Variants in PTPRD observed in about 807,000 individuals in gnomAD.
PTPRD encodes protein tyrosine phosphatase receptor type D.
In PTPRD, 34 loss-of-function variants were observed where a neutral mutation model predicts 214.5. The ratio of observed to expected loss-of-function variants is 0.16; its 90% CI spans 0.12 to 0.21. PTPRD has a LOEUF of 0.21. PTPRD is among the 10% of genes least tolerant of loss of function. The pLI, the probability that PTPRD is intolerant of heterozygous loss-of-function variation, is 1.00. For synonymous variants in PTPRD, 1,128 were observed against 845.7 expected (o/e 1.33, Z -5.79); for missense variants, 2,545 against 2,398.7 (o/e 1.06, Z -1.27).
intron 3 of PTPRD, among the ~76,000 whole-genome samples, chr9:10,102,980 CACTT>C (rs1042836936): frequency 6.6e-6 from 1 of 151,632 alleles, no homozygotes; most frequent in African/African-American, 2.4e-5. Context: ...TCAAAACACA[CACTT>C]TATGCCGACT....
chr9:9,504,005 TC>T (rs2096505217), intron 8 of PTPRD, among the ~76,000 whole-genome samples: 1 of 151,734 alleles, frequency 6.6e-6, no homozygotes, highest in African/African-American at 2.4e-5. Flanking sequence ...TTCTCATTAT[TC>T]CTTTAAAAAT....
At chr9:9,740,972 A>T (rs1188668618) in intron 6 of PTPRD, among the ~76,000 whole-genome samples, 2 of 152,186 alleles carry the variant, frequency 1.3e-5, no homozygotes, top group Non-Finnish European at 1.5e-5. Flanking sequence ...ATAACCCAAC[A>T]TTGGAAACTA....
At chr9:9,298,664 G>A (rs1472676965) in intron 9 of PTPRD, among the ~76,000 whole-genome samples, 1 of 151,642 alleles carries the variant, frequency 6.6e-6, no homozygotes, top group Non-Finnish European at 1.5e-5. Flanking sequence ...GAAAAGATAA[G>A]GATTATTGAA....
chr9:10,330,077 T>C (rs958175931), intron 3 of PTPRD, among the ~76,000 whole-genome samples: 1 of 151,820 alleles, frequency 6.6e-6, no homozygotes, highest in Non-Finnish European at 1.5e-5. Context: ...CTTTTTTTAT[T>C]TCATCTATGT....
At chr9:9,399,292 T>C (rs1456629552) in intron 8 of PTPRD, among the ~76,000 whole-genome samples, 2 of 152,054 alleles carry the variant, frequency 1.3e-5, no homozygotes, top group Non-Finnish European at 2.9e-5. Flanking sequence ...AGGTTCTTTG[T>C]ACCTAAGCAT....
chr9:8,428,895 G>A (rs2094866447), intron 35 of PTPRD, among the ~76,000 whole-genome samples: 2 of 152,160 alleles, frequency 1.3e-5, no homozygotes, highest in African/African-American at 4.8e-5. Context: ...TGGCACATGT[G>A]GTCAAATATA....
At chr9:10,127,824 A>G (rs1401101540) in intron 3 of PTPRD, among the ~76,000 whole-genome samples, 3 of 152,138 alleles carry the variant, frequency 2.0e-5, no homozygotes, top group Non-Finnish European at 4.4e-5. Flanking sequence ...TCTCTAGATC[A>G]GTCTTCCGAA....
chr9:9,087,361 AC>A (rs986251301), intron 10 of PTPRD, among the ~76,000 whole-genome samples: 3 of 152,126 alleles, frequency 2.0e-5, no homozygotes, highest in Non-Finnish European at 2.9e-5. Context: ...TATACCTATT[AC>A]CCATGTGTGA....
intron 4 of PTPRD, among the ~76,000 whole-genome samples, chr9:9,994,095 C>G (rs1405089463): frequency 6.6e-6 from 1 of 152,108 alleles, no homozygotes; most frequent in Non-Finnish European, 1.5e-5. Context: ...TTAACTGCCT[C>G]AGATGATAGC....
intron 14 of PTPRD, among the ~76,000 whole-genome samples, chr9:8,584,041 C>T (rs1444276319): frequency 6.6e-6 from 1 of 152,082 alleles, no homozygotes; most frequent in Non-Finnish European, 1.5e-5. Context: ...GTAGTCTCTG[C>T]TACTTGGGAA....
chr9:10,123,973 C>G (rs2098796455), intron 3 of PTPRD, among the ~76,000 whole-genome samples: 1 of 152,126 alleles, frequency 6.6e-6, no homozygotes, highest in South Asian at 2.1e-4. Context: ...ATTTGCCAAA[C>G]AATGTAGGTG....
rs115080188 is a variant in PTPRD, at chr9:9,821,043, C to A, written c.-367-54192G>T. Reference sequence around the variant, plus strand: ...TGTTGGTAGTTTGATAGGAATAGCACTGAATCTGTATATTGCTTCGGGCAG... The same window carrying A: ...TGTTGGTAGTTTGATAGGAATAGCAATGAATCTGTATATTGCTTCGGGCAG... On this transcript the variant is annotated intron_variant, in intron 5 of 45. Coordinates refer to ENST00000381196, the MANE Select transcript of PTPRD (RefSeq NM_002839.4). 8.1e-3 allele frequency among the ~76,000 whole-genome samples: 1,232 copies of A among 152,210 alleles called. 17 individuals carry two copies. Among genetic ancestry groups the A allele is most frequent in the African/African-American group, 0.028 (1,165 of 41,550 alleles).
At chr9:8,511,886 CTATA>C (rs1259518777) in intron 21 of PTPRD, among the ~76,000 whole-genome samples, 2 of 151,928 alleles carry the variant, frequency 1.3e-5, no homozygotes, top group Non-Finnish European at 2.9e-5. Flanking sequence ...TAATTACACT[CTATA>C]TAAATATGTG....
intron 14 of PTPRD, among the ~76,000 whole-genome samples, chr9:8,565,120 TC>T (rs1301597067): frequency 1.3e-5 from 2 of 151,986 alleles, no homozygotes; most frequent in Non-Finnish European, 2.9e-5. Flanking sequence ...TGTAATCTGC[TC>T]CCTGCTCGTG....
intron 21 of PTPRD, among the ~76,000 whole-genome samples, chr9:8,509,615 CATTG>C (rs1338647136): frequency 1.3e-5 from 2 of 152,148 alleles, no homozygotes; most frequent in African/African-American, 2.4e-5. Flanking sequence ...AATAAATTGA[CATTG>C]ATTGAAAACA....
At chr9:9,801,717 A>C (rs1467220346) in intron 5 of PTPRD, among the ~76,000 whole-genome samples, 2 of 152,098 alleles carry the variant, frequency 1.3e-5, no homozygotes, top group Non-Finnish European at 2.9e-5. Flanking sequence ...TGGAGGACAC[A>C]TTTCAGCTAA....
chr9:8,894,691 A>G (rs2098592463), intron 11 of PTPRD, among the ~76,000 whole-genome samples: 1 of 152,222 alleles, frequency 6.6e-6, no homozygotes, highest in African/African-American at 2.4e-5. Flanking sequence ...ATATTGCAAC[A>G]AAGTGTGTGA....
At chr9:9,960,719 G>T (rs777605505) in intron 4 of PTPRD, among the ~76,000 whole-genome samples, 5 of 152,072 alleles carry the variant, frequency 3.3e-5, no homozygotes, top group Non-Finnish European at 7.4e-5. Flanking sequence ...CAACAATAAG[G>T]AAAGTCAGAA....
chr9:10,106,824 G>A (rs532304466), intron 3 of PTPRD, among the ~76,000 whole-genome samples: 1 of 152,090 alleles, frequency 6.6e-6, no homozygotes, highest in East Asian at 1.9e-4. Flanking sequence ...TATGTAAAAT[G>A]TCTATATGTT....
Sources: gnomAD v4.1 joint callset for allele counts (sites outside exome capture counted in the v4.1 genomes callset) on GRCh38, gnomAD v4.1.1 for gene constraint, MANE v1.5 for transcripts, NCBI Gene and HGNC (gene_info 2026-07-23, HGNC 2026-07-21) for gene names.